The following NADK2 variants were observed in gnomAD, a reference collection of about 807,000 sequenced individuals.
NADK2 encodes NAD kinase domain-containing protein 1, mitochondrial.
NADK2 carries 35 observed loss-of-function variants against 62.1 expected under a neutral mutation model. That is an observed-to-expected ratio of 0.56 (90% confidence interval 0.43 to 0.75). The LOEUF is 0.75. Among genes scored for constraint, NADK2 ranks in the 30% least tolerant of loss-of-function variants. The pLI, the probability that NADK2 is intolerant of heterozygous loss-of-function variation, is 0.00. For synonymous variants in NADK2, 205 were observed against 207.9 expected, an observed-to-expected ratio of 0.99 and a Z score of 0.12; for missense variants, 439 against 561.3, an observed-to-expected ratio of 0.78 and a Z score of 2.20.
chr5:36,203,304 A>C (rs947599341), intron 8 of NADK2, among the ~76,000 whole-genome samples: 1 of 152,118 alleles, frequency 6.6e-6, no homozygotes, highest in African/African-American at 2.4e-5. Context: ...AAAAACAAAA[A>C]TTATTAATGT....
At chr5:36,234,656 G>C (rs1024119728) in intron 1 of NADK2, among the ~76,000 whole-genome samples, 1 of 152,170 alleles carries the variant, frequency 6.6e-6, no homozygotes, top group Admixed American at 6.5e-5. Flanking sequence ...GATGCATAAG[G>C]CTTTAGTTGT....
At chr5:36,201,754 C>T (rs1746457016) in intron 8 of NADK2, among the ~76,000 whole-genome samples, 1 of 151,832 alleles carries the variant, frequency 6.6e-6, no homozygotes, top group Non-Finnish European at 1.5e-5. Context: ...GCTGTATACC[C>T]TTTTGTACTT....
At position 36,208,532 on chromosome 5, in the gene NADK2, G is replaced by C. The variant is rs74795677; in HGVS notation, c.861-1267C>G. ...GCCCAAAATAATGAGCAAATTTAGT[G>C]TCATTCTCACATGCAAGATTTATCA... is the stretch of plus-strand genomic sequence containing the variant. On this transcript the variant is annotated intron_variant, in intron 7 of 11. Transcript: ENST00000381937. 0.017 allele frequency: 14,992 copies of C among 878,980 alleles called. 257 individuals carry two copies. Among genetic ancestry groups the C allele is most frequent in the South Asian group, 0.049 (3,018 of 61,106 alleles). The allele number at this position is 878,980 out of a possible 1,614,324, so 54.4% of individuals were successfully genotyped here.
chr5:36,229,708 AC>A (rs765140364), intron 1 of NADK2, among the ~76,000 whole-genome samples: 3 of 151,432 alleles, frequency 2.0e-5, no homozygotes, highest in Non-Finnish European at 4.4e-5. Flanking sequence ...AGCCTCAAAT[AC>A]ATTTATTCAA....
intron 1 of NADK2, among the ~76,000 whole-genome samples, chr5:36,235,576 T>C (rs1747873848): frequency 6.6e-6 from 1 of 152,200 alleles, no homozygotes; most frequent in African/African-American, 2.4e-5. Context: ...ACTCTGATCT[T>C]CTGCTGTTAA....
At position 36,205,243 on chromosome 5, in the gene NADK2, A is replaced by G. The variant is rs952860475; in HGVS notation, c.956+1927T>C. On this transcript the variant is annotated intron_variant, in intron 8 of 11. Transcript: ENST00000381937. This position sits in a 1 kb window ranked among gnomAD's most constrained non-coding sequence, Gnocchi z 4.1. ...AGCGGCTATAATAGTGCTATGAGAA[A>G]AAGTGTTAGGGAAGGATGAAAATGA... Among the ~76,000 whole-genome samples the G allele has an allele frequency of 6.6e-6, 1 of 152,064 alleles. No individual in the cohort carries two copies. The highest frequency in any genetic ancestry group is 2.4e-5 in the African/African-American group (1 of 41,424).
intron 9 of NADK2, among the ~76,000 whole-genome samples, chr5:36,200,740 G>C (rs902465625): frequency 6.6e-6 from 1 of 151,876 alleles, no homozygotes; most frequent in Non-Finnish European, 1.5e-5. Flanking sequence ...TAGCTGACTT[G>C]GTTATTAGAT....
At chr5:36,208,661 T>C in intron 7 of NADK2, 1 of 1,533,768 alleles carries the variant, frequency 6.5e-7, no homozygotes, top group Non-Finnish European at 8.7e-7. Context: ...TCTTAAATTG[T>C]CCACTGCTAC....
chr5:36,216,639 T>A (rs990146020), intron 6 of NADK2, among the ~76,000 whole-genome samples: 4 of 152,142 alleles, frequency 2.6e-5, no homozygotes, highest in African/African-American at 7.2e-5. Flanking sequence ...ATTCACTAAG[T>A]TTGTATGTTT....
At chr5:36,199,586 A>C (rs1431647479) in intron 10 of NADK2, among the ~76,000 whole-genome samples, 1 of 152,030 alleles carries the variant, frequency 6.6e-6, no homozygotes, top group Non-Finnish European at 1.5e-5. Flanking sequence ...TCAGTTTAAA[A>C]ATTTAAATTG....
chr5:36,203,730 G>C (rs1746531837), intron 8 of NADK2, among the ~76,000 whole-genome samples: 2 of 152,070 alleles, frequency 1.3e-5, no homozygotes, highest in African/African-American at 4.8e-5. Flanking sequence ...CTTATGCTCT[G>C]AAAGGCTGAA....
intron 3 of NADK2, 46 bp from the exon 4 acceptor site, chr5:36,225,669 A>G (rs777500843): frequency 4.4e-6 from 7 of 1,573,226 alleles, no homozygotes; most frequent in Non-Finnish European, 4.4e-6. Context: ...AATTTCTGTT[A>G]TAAATCTAGT....
intron 1 of NADK2, among the ~76,000 whole-genome samples, chr5:36,230,743 T>C (rs922545136): frequency 3.3e-5 from 5 of 152,226 alleles, no homozygotes; most frequent in Middle Eastern, 3.4e-3. Flanking sequence ...TAATTATCTC[T>C]TACAATTCCA....
chr5:36,202,968 T>C (rs948716808), intron 8 of NADK2, among the ~76,000 whole-genome samples: 1 of 152,116 alleles, frequency 6.6e-6, no homozygotes, highest in Non-Finnish European at 1.5e-5. Flanking sequence ...ACATTTCATA[T>C]TGAAAGCAAA....
At chr5:36,206,968 T>C (rs766179260) in intron 8 of NADK2, among the ~76,000 whole-genome samples, 10 of 152,076 alleles carry the variant, frequency 6.6e-5, no homozygotes, top group Non-Finnish European at 1.5e-4. Context: ...TGCTCAATAA[T>C]GACCAAATCC....
At chr5:36,228,622 A>AT (rs35220802) in intron 1 of NADK2, among the ~76,000 whole-genome samples, 78 of 142,062 alleles carry the variant, frequency 5.5e-4, no homozygotes, top group African/African-American at 1.7e-3. Flanking sequence ...TCTAGACATG[A>AT]TTTTTTTTTT....
intron 6 of NADK2, among the ~76,000 whole-genome samples, chr5:36,213,930 A>T (rs2112117909): frequency 6.6e-6 from 1 of 151,850 alleles, no homozygotes; most frequent in East Asian, 1.9e-4. Context: ...TTGACTTTCC[A>T]CCTCTATTCC....
chr5:36,219,685 T>G lies in NADK2; in HGVS notation c.561-6A>C. 1 of 1,609,164 alleles carries G rather than the reference T, an allele frequency of 6.2e-7. No homozygotes were observed. The highest frequency in any genetic ancestry group is 1.1e-5 in the South Asian group (1 of 89,712). On this transcript the variant is annotated splice_region_variant and splice_polypyrimidine_tract_variant and intron_variant, in intron 4 of 11. Transcript: ENST00000381937. Reference sequence around the variant, plus strand: ...GGCATAAATGACCCTCAGACCTATATTTTAACAGGAATTTTTTGGTGATAT... The same window carrying G: ...GGCATAAATGACCCTCAGACCTATAGTTTAACAGGAATTTTTTGGTGATAT...
rs184972580 is a variant in NADK2 at position 36,197,189 on chromosome 5, T to C, written c.1190+352A>G. On this transcript the variant is annotated intron_variant, in intron 11 of 11. Coordinates refer to ENST00000381937, the MANE Select transcript of NADK2 (RefSeq NM_001085411.3). Reference sequence around the variant, plus strand: ...AATCTAAGTTTTCTATCAGTGTTTATTGTGTTTTTATTCTACAGCTTATGA... The same window carrying C: ...AATCTAAGTTTTCTATCAGTGTTTACTGTGTTTTTATTCTACAGCTTATGA... Among the ~76,000 whole-genome samples, 8 of 152,166 alleles carry C rather than the reference T, an allele frequency of 5.3e-5. No individual in the cohort carries two copies. In the East Asian group the frequency reaches 1.4e-3, roughly 26 times the overall value.
Sources: gnomAD v4.1 joint callset for allele counts (sites outside exome capture counted in the v4.1 genomes callset) on GRCh38, gnomAD v4.1.1 for gene constraint, Gnocchi (gnomAD v3.1) non-coding constraint, MANE v1.5 for transcripts, NCBI Gene and HGNC (gene_info 2026-07-23, HGNC 2026-07-21) for gene names.